The following OR2C3 variants were observed in gnomAD, a reference collection of about 807,000 sequenced individuals.
The protein encoded by OR2C3 is olfactory receptor family 2 subfamily C member 3.
For synonymous variants in OR2C3, 178 were observed against 163.4 expected (o/e 1.09, Z -0.68); for missense variants, 425 against 401.5 (o/e 1.06, Z -0.50).
chr1:247,534,871 G>T (rs1198878830), intron 1 of OR2C3, among the ~76,000 whole-genome samples: 1 of 152,162 alleles, frequency 6.6e-6, no homozygotes, highest in Admixed American at 6.5e-5. Flanking sequence ...CTAGGCATTT[G>T]TTAAAATTCA....
In OR2C3 at chr1:247,531,804, T is replaced by A. The variant is rs1026535095; in HGVS notation, c.708A>T (p.Arg236Ser). Residue 236 changes from arginine to serine, a missense_variant, in exon 3 of 3, where the codon AGA becomes AGT. Arg to Ser is a moderately radical substitution (Grantham distance 110). Transcript: ENST00000641802. Reference protein sequence around the residue: ...VLKIRSAEGRRKAFNTCSSHV... With the variant: ...VLKIRSAEGRSKAFNTCSSHV... The stretch of plus-strand genomic sequence containing the variant: ...GGGAAGAACAGGTGTTGAATGCCTT[T>A]CTCCGCCCTTCTGCTGACCTGATCT... The A allele has an allele frequency of 1.2e-6, 2 of 1,614,008 alleles. No homozygotes were observed. The highest frequency in any genetic ancestry group is 1.7e-6 in the Non-Finnish European group (2 of 1,180,006).
chr1:247,526,978 A>G lies in OR2C3; in HGVS notation c.*4571T>C, dbSNP rs1261796458. On this transcript the variant is annotated 3_prime_UTR_variant, in exon 3 of 3. Coordinates refer to ENST00000641802, the MANE Select transcript of OR2C3 (RefSeq NM_198074.6). The surrounding 1 kb of genome is among the most constrained non-coding windows in gnomAD (Gnocchi z 4.8). ...AAGATGGTTATGTTGGAGGATTCCA[A>G]TAGTTCTACTGGATGTGGAGCCAGA... 3 of 456,616 alleles carry G rather than the reference A, an allele frequency of 6.6e-6. No homozygotes were observed. The highest frequency in any genetic ancestry group is 6.9e-5 in the East Asian group (1 of 14,414). The allele number at this position is 456,616 out of a possible 1,614,324, so 28.3% of individuals were successfully genotyped here.
intron 2 of OR2C3, among the ~76,000 whole-genome samples, chr1:247,532,960 A>G (rs1667062808): frequency 6.6e-6 from 1 of 152,192 alleles, no homozygotes; most frequent in South Asian, 2.1e-4. Context: ...TATAGTAACA[A>G]CATCTATATG....
intron 2 of OR2C3, among the ~76,000 whole-genome samples, chr1:247,533,050 A>C (rs1353774324): frequency 2.0e-5 from 3 of 152,170 alleles, no homozygotes; most frequent in Non-Finnish European, 4.4e-5. Flanking sequence ...CAGGCATTAA[A>C]ATTGTGCCCT....
chr1:247,529,767 A>C lies in OR2C3; in HGVS notation c.*1782T>G, dbSNP rs1244076459. ...TTTTGATGCGATTAACATTTAAATCAGTAGACTTTTAGTAAAGCAGATTAC... is the reference window on the plus strand; with the variant it reads ...TTTTGATGCGATTAACATTTAAATCCGTAGACTTTTAGTAAAGCAGATTAC... On this transcript the variant is annotated 3_prime_UTR_variant, in exon 3 of 3. Coordinates refer to ENST00000641802, the MANE Select transcript of OR2C3 (RefSeq NM_198074.6). 4.3e-5 allele frequency: 6 copies of C among 138,472 alleles called. No individual in the cohort carries two copies. The highest frequency in any genetic ancestry group is 7.8e-5 in the Admixed American group (1 of 12,756). The allele number at this position is 138,472 out of a possible 1,614,324, so 8.6% of individuals were successfully genotyped here. A position where few individuals can be genotyped will look rare whatever the true frequency, so the allele number is the denominator to read the frequency against.
chr1:247,530,461 T>G lies in OR2C3; in HGVS notation c.*1088A>C, dbSNP rs1159299097. 6.6e-6 allele frequency: 1 copy of G among 151,320 alleles called. No individual in the cohort carries two copies. Among genetic ancestry groups the G allele is most frequent in the African/African-American group, 2.4e-5 (1 of 41,124 alleles). 9.4% of individuals were successfully genotyped at this position (151,320 alleles called of 1,614,324 possible). ...CACTGTAAGCACACTGGCTTAGAGC[T>G]CTCTGCACCTCCCTTTTCCCCTCCT... On this transcript the variant is annotated 3_prime_UTR_variant, in exon 3 of 3. Coordinates refer to ENST00000641802, the MANE Select transcript of OR2C3 (RefSeq NM_198074.6).
In OR2C3 at chr1:247,536,354, AC is replaced by A. The variant is rs1282445936; in HGVS notation, c.-589del. 6.6e-6 allele frequency: 1 copy of A among 152,216 alleles called. No individual in the cohort carries two copies. Among genetic ancestry groups the A allele is most frequent in the Non-Finnish European group, 1.5e-5 (1 of 68,036 alleles). 9.4% of individuals were successfully genotyped at this position (152,216 alleles called of 1,614,324 possible). A position where few individuals can be genotyped will look rare whatever the true frequency, so the allele number is the denominator to read the frequency against. ...GAAATCTCTAAGTCGGTGGTAGCAG[AC>A]GTGTTAGATTCTGTTCAAATTCATG... is the stretch of plus-strand genomic sequence containing the variant. On this transcript the variant is annotated 5_prime_UTR_variant, in exon 1 of 3. Transcript: ENST00000641802.
In OR2C3 at chr1:247,530,135, G is replaced by A. The variant is rs777964453; in HGVS notation, c.*1414C>T. 2.6e-5 allele frequency: 4 copies of A among 151,994 alleles called. No homozygotes were observed. The highest frequency in any genetic ancestry group is 1.5e-5 in the Non-Finnish European group (1 of 68,008). The allele number at this position is 151,994 out of a possible 1,614,324, so 9.4% of individuals were successfully genotyped here. A position where few individuals can be genotyped will look rare whatever the true frequency, so the allele number is the denominator to read the frequency against. On this transcript the variant is annotated 3_prime_UTR_variant, in exon 3 of 3. Transcript: ENST00000641802. ...ACAGTGAATTGGAAGATCCTAGTAC[G>A]AAAGGAAAGACTACTTTAATGACTA...
Position 247,531,909 on chromosome 1 carries a change from G to A in OR2C3, c.603C>T (p.Tyr201=). The A allele has an allele frequency of 6.2e-7, 1 of 1,614,170 alleles. No individual in the cohort carries two copies. Among genetic ancestry groups the A allele is most frequent in the Non-Finnish European group, 8.5e-7 (1 of 1,180,022 alleles). Residue 201 remains tyrosine (Y), a synonymous_variant, in exon 3 of 3, where the codon TAC becomes TAT. Transcript: ENST00000641802. ...GGACAACAAAGACAAAGCTGGCCAG[G>A]TACATCTCCATCTCATTGAGGCTGG... The part of the protein sequence containing the change: ...VDTSLNEMEM[Y]LASFVFVVLP...
At chr1:247,532,782 A>G (rs879393989) in intron 2 of OR2C3, among the ~76,000 whole-genome samples, 2 of 151,904 alleles carry the variant, frequency 1.3e-5, no homozygotes, top group Non-Finnish European at 1.5e-5. Context: ...TTTTATACCC[A>G]TTGTTTTCAA....
At chr1:247,535,573 T>A (rs1558244422) in intron 1 of OR2C3, among the ~76,000 whole-genome samples, 1 of 152,200 alleles carries the variant, frequency 6.6e-6, no homozygotes, top group Non-Finnish European at 1.5e-5. Flanking sequence ...AAAAATTTTG[T>A]TGACTCACAG....
chr1:247,526,292 T>C lies in OR2C3; in HGVS notation c.*5257A>G, dbSNP rs1558238414. The C allele has an allele frequency of 6.6e-6, 1 of 152,230 alleles. No homozygotes were observed. The highest frequency in any genetic ancestry group is 1.5e-5 in the Non-Finnish European group (1 of 68,040). 9.4% of individuals were successfully genotyped at this position (152,230 alleles called of 1,614,324 possible). ...ATTATAATTTTTAAAGTTTATATTT[T>C]TTACTCTATCTGGCTCATAATACCT... On this transcript the variant is annotated 3_prime_UTR_variant, in exon 3 of 3. Transcript: ENST00000641802. The surrounding 1 kb of genome is among the most constrained non-coding windows in gnomAD (Gnocchi z 4.8).
rs1666677703 is a variant in OR2C3 at position 247,526,257 on chromosome 1, G to A, written c.*5292C>T. On this transcript the variant is annotated 3_prime_UTR_variant, in exon 3 of 3. Coordinates refer to ENST00000641802, the MANE Select transcript of OR2C3 (RefSeq NM_198074.6). This position sits in a 1 kb window ranked among gnomAD's most constrained non-coding sequence, Gnocchi z 4.8. ...TTTCTTACCATGAGAAGCTTGCCAT[G>A]TTGAGGGTGATTATAATTTTTAAAG... The A allele has an allele frequency of 6.6e-6, 1 of 152,176 alleles. No homozygotes were observed. Among genetic ancestry groups the A allele is most frequent in the Admixed American group, 6.5e-5 (1 of 15,286 alleles). The allele number at this position is 152,176 out of a possible 1,614,324, so 9.4% of individuals were successfully genotyped here.
chr1:247,531,863 C>G lies in OR2C3; in HGVS notation c.649G>C (p.Val217Leu). The change falls in exon 3 of 3, where the codon GTC becomes CTC. Residue 217 changes from valine to leucine, a missense_variant. Coordinates refer to ENST00000641802, the MANE Select transcript of OR2C3 (RefSeq NM_198074.6). ...FVVLPLGLILVSYGHIARAVL... is the reference protein window; with the variant it reads ...FVVLPLGLILLSYGHIARAVL... ...GCCCGGGCAATGTGGCCGTAAGAGA[C>G]CAGGATGAGCCCCAGAGGCAGGACA... The G allele has an allele frequency of 1.2e-6, 2 of 1,614,154 alleles. No individual in the cohort carries two copies. Among genetic ancestry groups the G allele is most frequent in the Middle Eastern group, 1.6e-4 (1 of 6,062 alleles).
Position 247,531,739 on chromosome 1 carries a change from A to G in OR2C3, c.773T>C (p.Phe258Ser). ...VVSLFYGSII[F>S]MYLQPAKSTS... Reference sequence around the variant, plus strand: ...GCTCTTGGCTGGCTGGAGATACATGAAGATGATGCTCCCGTAAAACAGAGA... The same window carrying G: ...GCTCTTGGCTGGCTGGAGATACATGGAGATGATGCTCCCGTAAAACAGAGA... The change falls in exon 3 of 3, where the codon TTC (phenylalanine) becomes TCC (serine). Residue 258 changes from phenylalanine (F) to serine (S), a missense_variant. Phe to Ser is a radical substitution (Grantham distance 155). Coordinates refer to ENST00000641802, the MANE Select transcript of OR2C3 (RefSeq NM_198074.6). 1 of 1,614,172 alleles carries G rather than the reference A, an allele frequency of 6.2e-7. No individual in the cohort carries two copies. Among genetic ancestry groups the G allele is most frequent in the Non-Finnish European group, 8.5e-7 (1 of 1,180,014 alleles).
At position 247,529,578 on chromosome 1, in the gene OR2C3, A is replaced by G. The variant is rs977831057; in HGVS notation, c.*1971T>C. 2 of 152,246 alleles carry G rather than the reference A, an allele frequency of 1.3e-5. No individual in the cohort carries two copies. Among genetic ancestry groups the G allele is most frequent in the African/African-American group, 2.4e-5 (1 of 41,466 alleles). 9.4% of individuals were successfully genotyped at this position (152,246 alleles called of 1,614,324 possible). A position where few individuals can be genotyped will look rare whatever the true frequency, so the allele number is the denominator to read the frequency against. On this transcript the variant is annotated 3_prime_UTR_variant, in exon 3 of 3. Coordinates refer to ENST00000641802, the MANE Select transcript of OR2C3 (RefSeq NM_198074.6). ...CATGAGAGTGTCTCGTACATGATGC[A>G]TAATAATCCAGTTGAAGAATGTTGC...
chr1:247,526,844 G>A lies in OR2C3; in HGVS notation c.*4705C>T, dbSNP rs2103325527. The stretch of plus-strand genomic sequence containing the variant: ...CGAAAGACAAGTGGTGTCCAATATG[G>A]CATGTTAGCATTTTCCTCTTCATTT... On this transcript the variant is annotated 3_prime_UTR_variant, in exon 3 of 3. Coordinates refer to ENST00000641802, the MANE Select transcript of OR2C3 (RefSeq NM_198074.6). The surrounding 1 kb of genome is among the most constrained non-coding windows in gnomAD (Gnocchi z 4.8). The A allele has an allele frequency of 2.5e-6, 1 of 396,614 alleles. No homozygotes were observed. The highest frequency in any genetic ancestry group is 5.0e-6 in the Non-Finnish European group (1 of 201,058). 24.6% of individuals were successfully genotyped at this position (396,614 alleles called of 1,614,324 possible). A position where few individuals can be genotyped will look rare whatever the true frequency, so the allele number is the denominator to read the frequency against.
Position 247,529,429 on chromosome 1 carries a change from G to A in OR2C3, c.*2120C>T, listed in dbSNP as rs1174275962. On this transcript the variant is annotated 3_prime_UTR_variant, in exon 3 of 3. Coordinates refer to ENST00000641802, the MANE Select transcript of OR2C3 (RefSeq NM_198074.6). ...TTGAATGATGGAATGGCCTGCTGAA[G>A]GTTTAGTTATTGAAGCTGAGAAACA... 1.3e-5 allele frequency: 2 copies of A among 152,204 alleles called. No homozygotes were observed. Among genetic ancestry groups the A allele is most frequent in the African/African-American group, 4.8e-5 (2 of 41,452 alleles). 9.4% of individuals were successfully genotyped at this position (152,204 alleles called of 1,614,324 possible). A position where few individuals can be genotyped will look rare whatever the true frequency, so the allele number is the denominator to read the frequency against.
chr1:247,528,242 AGTTT>A lies in OR2C3; in HGVS notation c.*3303_*3306del, dbSNP rs1165733637. 2 of 117,014 alleles carry A rather than the reference AGTTT, an allele frequency of 1.7e-5. No homozygotes were observed. Among genetic ancestry groups the A allele is most frequent in the Non-Finnish European group, 3.5e-5 (2 of 56,932 alleles). The allele number at this position is 117,014 out of a possible 1,614,324, so 7.2% of individuals were successfully genotyped here. On this transcript the variant is annotated 3_prime_UTR_variant, in exon 3 of 3. Transcript: ENST00000641802. ...ATAATTATTTTTTAAATTTCATTTTAGTTTGTTTTTAATTCACAAATAACAATTG... is the reference window on the plus strand; with the variant it reads ...ATAATTATTTTTTAAATTTCATTTTAGTTTTTAATTCACAAATAACAATTG...
Sources: allele counts gnomAD v4.1 joint callset (sites outside exome capture counted in the v4.1 genomes callset), GRCh38; gene constraint gnomAD v4.1.1; non-coding constraint Gnocchi (gnomAD v3.1); transcripts MANE v1.5; gene names NCBI Gene and HGNC (gene_info 2026-07-23, HGNC 2026-07-21).